C2orf68: variants seen among roughly 807,000 people sequenced by gnomAD.
The protein encoded by C2orf68 is UPF0561 protein C2orf68.
Under a neutral mutation model 19.1 loss-of-function variants are expected in C2orf68, and 15 were observed. The observed-to-expected ratio is 0.79, with a 90% CI of 0.53 to 1.21. C2orf68 has a LOEUF of 1.21. C2orf68 is among the 50% of genes most tolerant of loss of function. The pLI, the probability that C2orf68 is intolerant of heterozygous loss-of-function variation, is 0.00. For missense variants in C2orf68, 242 were observed against 226.6 expected, an observed-to-expected ratio of 1.07 and a Z score of -0.44; for synonymous variants, 98 against 91.0, an observed-to-expected ratio of 1.08 and a Z score of -0.44.
chr2:85,611,308 G>C (rs1019171264), intron 2 of C2orf68: 1 of 1,421,850 alleles, frequency 7.0e-7, no homozygotes, highest in African/African-American at 1.5e-5. Flanking sequence ...GCTGGGGAAA[G>C]GCCATTTACT....
At chr2:85,609,738 G>C in intron 2 of C2orf68, 152 bp from the exon 3 acceptor site, 1 of 1,026,784 alleles carries the variant, frequency 9.7e-7, no homozygotes, top group Non-Finnish European at 1.4e-6. Flanking sequence ...CTGGAGTGCA[G>C]TGGTGCAATC....
In C2orf68 at chr2:85,608,931, C is replaced by G. The variant is rs547310328; in HGVS notation, c.*14G>C. The stretch of plus-strand genomic sequence containing the variant: ...TGCAGTGAATCCAGCCTGGAGAGAA[C>G]GCCTTCAACATGGTCAGTGTTGGCT... On this transcript the variant is annotated 3_prime_UTR_variant, in exon 4 of 4. Coordinates refer to ENST00000306336, the MANE Select transcript of C2orf68 (RefSeq NM_001013649.4). 1 of 1,613,760 alleles carries G rather than the reference C, an allele frequency of 6.2e-7. No individual in the cohort carries two copies. The highest frequency in any genetic ancestry group is 1.1e-5 in the South Asian group (1 of 91,054).
chr2:85,610,559 C>T (rs1673442704), intron 2 of C2orf68: 1 of 152,108 alleles, frequency 6.6e-6, no homozygotes, highest in Admixed American at 6.5e-5. Flanking sequence ...GTGAAACAGA[C>T]AGAAGCTTTC....
chr2:85,610,086 C>T (rs1673413447), intron 2 of C2orf68: 1 of 148,640 alleles, frequency 6.7e-6, no homozygotes. Context: ...TAAATCTCGG[C>T]TCACCGCAAC....
In C2orf68 at chr2:85,606,203, C is replaced by T. The variant is rs56367745; in HGVS notation, c.*2742G>A. Reference sequence around the variant, plus strand: ...GTTTTTTAAAGACAGCCAATTACATCGTATCTAGTCAAATGAGCGGATTCT... The same window carrying T: ...GTTTTTTAAAGACAGCCAATTACATTGTATCTAGTCAAATGAGCGGATTCT... On this transcript the variant is annotated 3_prime_UTR_variant, in exon 4 of 4. Transcript: ENST00000306336. Among the ~76,000 whole-genome samples, 7,571 of 152,258 alleles carry T rather than the reference C, an allele frequency of 0.05. 224 individuals carry two copies. Among genetic ancestry groups the T allele is most frequent in the Middle Eastern group, 0.1 (30 of 294 alleles).
At position 85,611,790 on chromosome 2, in the gene C2orf68, C is replaced by T. The variant is rs775764063; in HGVS notation, c.108-4G>A. 2.0e-5 allele frequency: 32 copies of T among 1,610,980 alleles called. 1 individual carries two copies. In the South Asian group the frequency reaches 3.4e-4, roughly 17 times the overall value. ...CACCTTCTTGTCATAGTCGTCCCTG[C>T]GGGGAGCCGAGCGGGAGTCAGGGAC... is the stretch of plus-strand genomic sequence containing the variant. On this transcript the variant is annotated splice_region_variant and splice_polypyrimidine_tract_variant and intron_variant, in intron 1 of 3. Transcript: ENST00000306336.
chr2:85,611,871 G>C lies in C2orf68; in HGVS notation c.107+7C>G. 6.3e-7 allele frequency: 1 copy of C among 1,597,756 alleles called. No homozygotes were observed. The highest frequency in any genetic ancestry group is 1.1e-5 in the South Asian group (1 of 90,718). Reference sequence around the variant, plus strand: ...GGTGGCGGCGGCGGCGCAGGGCGGGGCGGTACCGAGCGATCTGGTTCCGTC... The same window carrying C: ...GGTGGCGGCGGCGGCGCAGGGCGGGCCGGTACCGAGCGATCTGGTTCCGTC... On this transcript the variant is annotated splice_region_variant and intron_variant, in intron 1 of 3. Coordinates refer to ENST00000306336, the MANE Select transcript of C2orf68 (RefSeq NM_001013649.4).
rs11687479 is a variant in C2orf68 at position 85,608,033 on chromosome 2, G to C, written c.*912C>G. ...GACTTTCCCTTTGTAGGTATGTTCA[G>C]AACTGTTAAGTCACAACTGGAGAGT... is the stretch of plus-strand genomic sequence containing the variant. On this transcript the variant is annotated 3_prime_UTR_variant, in exon 4 of 4. Coordinates refer to ENST00000306336, the MANE Select transcript of C2orf68 (RefSeq NM_001013649.4). The C allele has an allele frequency of 5.9e-5, 9 of 152,314 alleles. No homozygotes were observed. The South Asian group carries it at 1.4e-3, about 25-fold the overall frequency. 9.4% of individuals were successfully genotyped at this position (152,314 alleles called of 1,614,324 possible).
intron 2 of C2orf68, 119 bp downstream of exon 2, chr2:85,611,549 C>G (rs978947008): frequency 5.8e-6 from 9 of 1,550,954 alleles, no homozygotes; most frequent in Middle Eastern, 1.7e-4. Flanking sequence ...GTGGAGGTTC[C>G]GGAAAGAGAC....
intron 2 of C2orf68, among the ~76,000 whole-genome samples, chr2:85,609,968 A>T (rs1358328032): frequency 2.0e-5 from 3 of 149,862 alleles, no homozygotes; most frequent in Non-Finnish European, 4.4e-5. Context: ...GGCGTGAGCC[A>T]CTGCACCCAG....
At position 85,606,205 on chromosome 2, in the gene C2orf68, T is replaced by C. The variant is rs190891825; in HGVS notation, c.*2740A>G. Among the ~76,000 whole-genome samples, 222 of 152,342 alleles carry C rather than the reference T, an allele frequency of 1.5e-3. No individual in the cohort carries two copies. The highest frequency in any genetic ancestry group is 5.1e-3 in the African/African-American group (211 of 41,590). On this transcript the variant is annotated 3_prime_UTR_variant, in exon 4 of 4. Coordinates refer to ENST00000306336, the MANE Select transcript of C2orf68 (RefSeq NM_001013649.4). Reference sequence around the variant, plus strand: ...TTTTTAAAGACAGCCAATTACATCGTATCTAGTCAAATGAGCGGATTCTAA... The same window carrying C: ...TTTTTAAAGACAGCCAATTACATCGCATCTAGTCAAATGAGCGGATTCTAA...
At chr2:85,610,607 G>T (rs75644441) in intron 2 of C2orf68, 1 of 152,010 alleles carries the variant, frequency 6.6e-6, no homozygotes, top group African/African-American at 2.4e-5. Context: ...ATTAATATAC[G>T]TAAGATCTAA....
Position 85,608,910 on chromosome 2 carries a change from G to C in C2orf68, c.*35C>G, listed in dbSNP as rs1389696157. On this transcript the variant is annotated 3_prime_UTR_variant, in exon 4 of 4. Transcript: ENST00000306336. Reference sequence around the variant, plus strand: ...CCTGGGCAGAATTCTTCCGAGTGCAGTGAATCCAGCCTGGAGAGAACGCCT... The same window carrying C: ...CCTGGGCAGAATTCTTCCGAGTGCACTGAATCCAGCCTGGAGAGAACGCCT... 6.2e-7 allele frequency: 1 copy of C among 1,608,688 alleles called. No individual in the cohort carries two copies. The highest frequency in any genetic ancestry group is 1.1e-5 in the South Asian group (1 of 90,908).
chr2:85,608,782 C>A lies in C2orf68; in HGVS notation c.*163G>T. The A allele has an allele frequency of 1.9e-6, 1 of 534,784 alleles. No homozygotes were observed. Among genetic ancestry groups the A allele is most frequent in the East Asian group, 5.1e-5 (1 of 19,778 alleles). 33.1% of individuals were successfully genotyped at this position (534,784 alleles called of 1,614,324 possible). A position where few individuals can be genotyped will look rare whatever the true frequency, so the allele number is the denominator to read the frequency against. On this transcript the variant is annotated 3_prime_UTR_variant, in exon 4 of 4. Transcript: ENST00000306336. ...TGGGTCAACATATAAGAAAGAATGACTGCAAGGCAGGCCAGGTGTAGTCCT... is the reference window on the plus strand; with the variant it reads ...TGGGTCAACATATAAGAAAGAATGAATGCAAGGCAGGCCAGGTGTAGTCCT...
At position 85,611,722 on chromosome 2, in the gene C2orf68, C is replaced by G. The variant is rs1267654885; in HGVS notation, c.172G>C (p.Ala58Pro). ...KEKVRRRHTPAPTRPRKPDLQ... is the reference protein window; with the variant it reads ...KEKVRRRHTPPPTRPRKPDLQ... ...TCTGGCTTGCGGGGCCGCGTCGGCG[C>G]GGGCGTGTGCCGCCTCCTCACCTTC... is the stretch of plus-strand genomic sequence containing the variant. Residue 58 changes from alanine to proline, a missense_variant, in exon 2 of 4, where the codon GCG becomes CCG. Transcript: ENST00000306336. 1 of 1,602,736 alleles carries G rather than the reference C, an allele frequency of 6.2e-7. No individual in the cohort carries two copies. The highest frequency in any genetic ancestry group is 1.7e-5 in the Admixed American group (1 of 58,418).
Position 85,606,158 on chromosome 2 carries a change from C to A in C2orf68, c.*2787G>T, listed in dbSNP as rs541214618. ...TTGAATGGGCATGAGATATGCCTAT[C>A]AGATTGTGTGTGTGTGCGCGTTTTT... On this transcript the variant is annotated 3_prime_UTR_variant, in exon 4 of 4. Coordinates refer to ENST00000306336, the MANE Select transcript of C2orf68 (RefSeq NM_001013649.4). Among the ~76,000 whole-genome samples, 2 of 152,294 alleles carry A rather than the reference C, an allele frequency of 1.3e-5. No homozygotes were observed. Among genetic ancestry groups the A allele is most frequent in the East Asian group, 3.9e-4 (2 of 5,186 alleles).
chr2:85,609,336 T>G, intron 3 of C2orf68, 99 bp downstream of exon 3: 2 of 1,501,122 alleles, frequency 1.3e-6, no homozygotes, highest in Non-Finnish European at 1.8e-6. Context: ...AGCAGACGCT[T>G]CCCATTGGGG....
In C2orf68 at chr2:85,605,472, C is replaced by T. The variant is rs1181690845; in HGVS notation, c.*3473G>A. The stretch of plus-strand genomic sequence containing the variant: ...AGAAGCCCTTTACTCAGAAGGTCTT[C>T]AATTCTAGCATTACTCCAACTCCTA... On this transcript the variant is annotated 3_prime_UTR_variant, in exon 4 of 4. Coordinates refer to ENST00000306336, the MANE Select transcript of C2orf68 (RefSeq NM_001013649.4). 6.6e-6 allele frequency among the ~76,000 whole-genome samples: 1 copy of T among 152,176 alleles called. No homozygotes were observed. Among genetic ancestry groups the T allele is most frequent in the East Asian group, 1.9e-4 (1 of 5,200 alleles).
chr2:85,611,252 A>G, intron 2 of C2orf68: 1 of 1,356,598 alleles, frequency 7.4e-7, no homozygotes, highest in Non-Finnish European at 9.4e-7. Flanking sequence ...CTTAACAAAA[A>G]TTGACCGTCA....
Sources: gnomAD v4.1 joint callset for allele counts (sites outside exome capture counted in the v4.1 genomes callset) on GRCh38, gnomAD v4.1.1 for gene constraint, MANE v1.5 for transcripts, NCBI Gene and HGNC (gene_info 2026-07-23, HGNC 2026-07-21) for gene names.